KIAA0825: variants seen among roughly 807,000 people sequenced by gnomAD.
The protein encoded by KIAA0825 is KIAA0825, also known as uncharacterized protein KIAA0825.
A neutral mutation model predicts 147.6 loss-of-function variants in KIAA0825; 119 were observed. That is an observed-to-expected ratio of 0.81 (90% CI 0.69 to 0.94). The LOEUF (loss-of-function observed/expected upper bound fraction) is 0.94, where lower values mean the gene tolerates loss of function less well. Ranked by LOEUF, KIAA0825 falls within the 40% of genes least tolerant of loss-of-function variation. The probability of loss-of-function intolerance (pLI) is 0.00; values close to 1 mark genes in which losing one functional copy is unlikely to be tolerated. For synonymous variants in KIAA0825, 470 were observed against 518.1 expected (o/e 0.91, Z 1.26); for missense variants, 1,381 against 1,472.7 (o/e 0.94, Z 1.02).
intron 20 of KIAA0825, among the ~76,000 whole-genome samples, chr5:94,381,828 G>A (rs1748453438): frequency 6.6e-6 from 1 of 152,116 alleles, no homozygotes; most frequent in African/African-American, 2.4e-5. Context: ...AGGGGGTGAG[G>A]GAGGTCTAGT....
intron 20 of KIAA0825, among the ~76,000 whole-genome samples, chr5:94,331,667 A>C (rs751370403): frequency 6.6e-6 from 1 of 152,200 alleles, no homozygotes; most frequent in Non-Finnish European, 1.5e-5. Flanking sequence ...CAAAATATTA[A>C]CAAACAAATC....
intron 1 of KIAA0825, among the ~76,000 whole-genome samples, chr5:94,598,147 TA>T (rs144976753): frequency 0.017 from 2,605 of 152,266 alleles, 43 homozygotes; most frequent in Non-Finnish European, 0.024. Flanking sequence ...AACTTAAAAT[TA>T]TTTTTTTACT....
At chr5:94,192,884 G>A (rs1246986938) in intron 20 of KIAA0825, among the ~76,000 whole-genome samples, 1 of 152,142 alleles carries the variant, frequency 6.6e-6, no homozygotes, top group Non-Finnish European at 1.5e-5. Context: ...TTTTAGAGAA[G>A]GGATTTTTAG....
At chr5:94,529,266 T>C (rs963423329) in intron 3 of KIAA0825, among the ~76,000 whole-genome samples, 1 of 131,630 alleles carries the variant, frequency 7.6e-6, no homozygotes, top group Non-Finnish European at 1.6e-5. Flanking sequence ...ATATATCATA[T>C]ATATGTATGT....
chr5:94,304,877 A>G (rs985970547), intron 20 of KIAA0825, among the ~76,000 whole-genome samples: 4 of 152,036 alleles, frequency 2.6e-5, no homozygotes, highest in Admixed American at 6.6e-5. Flanking sequence ...ATACAAATGA[A>G]ACTACATTTG....
intron 14 of KIAA0825, among the ~76,000 whole-genome samples, chr5:94,420,072 TG>T (rs1385532559): frequency 2.0e-5 from 3 of 151,638 alleles, no homozygotes; most frequent in Non-Finnish European, 4.4e-5. Context: ...AAGATCAAGG[TG>T]GGGGGTACTT....
chr5:94,334,573 C>A (rs1283190328), intron 20 of KIAA0825, among the ~76,000 whole-genome samples: 1 of 152,200 alleles, frequency 6.6e-6, no homozygotes, highest in Non-Finnish European at 1.5e-5. Context: ...ACCTCCGACT[C>A]CCAGGTTCAA....
intron 1 of KIAA0825, among the ~76,000 whole-genome samples, chr5:94,588,390 C>T (rs1783719544): frequency 6.6e-6 from 1 of 152,164 alleles, no homozygotes; most frequent in Non-Finnish European, 1.5e-5. Context: ...TATGAACAGA[C>T]ACTTTTCAAA....
Position 94,318,759 on chromosome 5 carries a change from G to A in KIAA0825, c.3710+65609C>T, listed in dbSNP as rs114072965. 2.1e-3 allele frequency among the ~76,000 whole-genome samples: 326 copies of A among 151,998 alleles called. 3 individuals are homozygous for A. Among genetic ancestry groups the A allele is most frequent in the African/African-American group, 7.7e-3 (318 of 41,494 alleles). ...GTCAATAATTATTAGCCAACATAAC[G>A]TTACATAGAAGAACTAAGCAGGCTG... On this transcript the variant is annotated intron_variant, in intron 20 of 20. Coordinates refer to ENST00000682413, the MANE Select transcript of KIAA0825 (RefSeq NM_001145678.3).
intron 13 of KIAA0825, among the ~76,000 whole-genome samples, chr5:94,441,246 G>A (rs1039343224): frequency 2.8e-5 from 4 of 142,734 alleles, no homozygotes; most frequent in African/African-American, 1.0e-4. Flanking sequence ...CATCCCATCA[G>A]AAATTCTGGG....
chr5:94,380,555 A>G (rs1441326816), intron 20 of KIAA0825, among the ~76,000 whole-genome samples: 1 of 152,256 alleles, frequency 6.6e-6, no homozygotes, highest in Non-Finnish European at 1.5e-5. Flanking sequence ...AAGACAATAA[A>G]TAAACAGAAA....
chr5:94,235,007 G>C (rs1583932616), intron 20 of KIAA0825, among the ~76,000 whole-genome samples: 1 of 151,124 alleles, frequency 6.6e-6, no homozygotes, highest in Non-Finnish European at 1.5e-5. Flanking sequence ...CTCTCCTTGG[G>C]CCTCCCTCTT....
intron 17 of KIAA0825, among the ~76,000 whole-genome samples, chr5:94,393,466 C>G (rs946745912): frequency 1.3e-4 from 20 of 152,178 alleles, no homozygotes; most frequent in Non-Finnish European, 2.5e-4. Flanking sequence ...GCAAGACAGG[C>G]AACACTTACA....
intron 20 of KIAA0825, among the ~76,000 whole-genome samples, chr5:94,350,660 A>G (rs976031127): frequency 6.6e-6 from 1 of 152,256 alleles, no homozygotes; most frequent in Non-Finnish European, 1.5e-5. Context: ...CAACATAAAC[A>G]GAATTAAAAA....
At chr5:94,433,103 G>A (rs747196841) in intron 14 of KIAA0825, among the ~76,000 whole-genome samples, 43 of 152,042 alleles carry the variant, frequency 2.8e-4, no homozygotes, top group Non-Finnish European at 4.6e-4. Flanking sequence ...GCGCAATCTC[G>A]GTTCACTGCA....
At chr5:94,236,638 C>T (rs1448173474) in intron 20 of KIAA0825, among the ~76,000 whole-genome samples, 1 of 152,168 alleles carries the variant, frequency 6.6e-6, no homozygotes, top group African/African-American at 2.4e-5. Context: ...TCGCATTCTA[C>T]AGAGAAGTAT....
chr5:94,334,228 C>T (rs1254766585), intron 20 of KIAA0825, among the ~76,000 whole-genome samples: 3 of 152,100 alleles, frequency 2.0e-5, no homozygotes, highest in Admixed American at 2.0e-4. Context: ...TACTCCTGTT[C>T]AACACGATAC....
At chr5:94,585,427 T>G (rs1200605759) in intron 1 of KIAA0825, among the ~76,000 whole-genome samples, 1 of 151,764 alleles carries the variant, frequency 6.6e-6, no homozygotes, top group African/African-American at 2.4e-5. Context: ...CCAACAAAGA[T>G]CAAAAGAAAC....
chr5:94,178,845 A>G (rs1005641248), intron 20 of KIAA0825, among the ~76,000 whole-genome samples: 8 of 152,118 alleles, frequency 5.3e-5, no homozygotes, highest in Non-Finnish European at 1.0e-4. Flanking sequence ...ATATTCACAT[A>G]AAAATATGTG....
Sources: allele counts gnomAD v4.1 joint callset (sites outside exome capture counted in the v4.1 genomes callset), GRCh38; gene constraint gnomAD v4.1.1; transcripts MANE v1.5; gene names NCBI Gene and HGNC (gene_info 2026-07-23, HGNC 2026-07-21).